Variants in NAA15 observed in about 807,000 individuals in gnomAD.
NAA15 encodes the protein N-alpha-acetyltransferase 15, NatA auxiliary subunit.
NAA15 carries 34 observed loss-of-function variants against 114.0 expected under a neutral mutation model. The ratio of observed to expected loss-of-function variants is 0.30; its 90% CI spans 0.23 to 0.40. The LOEUF is 0.40. Among genes scored for constraint, NAA15 ranks in the 10% least tolerant of loss-of-function variants. NAA15 has a pLI of 1.00. For synonymous variants in NAA15, 340 were observed against 338.0 expected, an observed-to-expected ratio of 1.01 and a Z score of -0.06; for missense variants, 658 against 1,004.5, an observed-to-expected ratio of 0.66 and a Z score of 4.66.
chr4:139,308,873 C>A (rs1368346732), intron 1 of NAA15, among the ~76,000 whole-genome samples: 1 of 151,878 alleles, frequency 6.6e-6, no homozygotes, highest in Non-Finnish European at 1.5e-5. Flanking sequence ...ACCTCAGCCT[C>A]TCCCAAGTGC....
intron 17 of NAA15, among the ~76,000 whole-genome samples, chr4:139,380,256 T>C (rs184944179): frequency 0.022 from 2,919 of 132,594 alleles, 97 homozygotes; most frequent in African/African-American, 0.08. Context: ...CTTTAGTTTT[T>C]TTGGGGGGGG....
chr4:139,341,175 A>C (rs1167502841), intron 4 of NAA15, 106 bp downstream of exon 4: 1 of 852,472 alleles, frequency 1.2e-6, no homozygotes, highest in Admixed American at 3.5e-5. Context: ...AAATAATTTA[A>C]TTGAATTTTT....
In NAA15 at chr4:139,301,581, T is replaced by G; in HGVS notation, c.-197T>G. On this transcript the variant is annotated 5_prime_UTR_variant, in exon 1 of 20. Transcript: ENST00000296543. ...CGTAGTGGGGGAGGCGGCGGCAGCG[T>G]TAAGTGAGAAAGGAAAAAAGACAAC... The G allele has an allele frequency of 3.3e-6, 2 of 608,628 alleles. No individual in the cohort carries two copies. The highest frequency in any genetic ancestry group is 3.1e-5 in the Admixed American group (1 of 32,482). The allele number at this position is 608,628 out of a possible 1,614,324, so 37.7% of individuals were successfully genotyped here.
intron 17 of NAA15, among the ~76,000 whole-genome samples, chr4:139,381,651 C>A (rs1370121439): frequency 2.0e-5 from 3 of 151,870 alleles, no homozygotes; most frequent in South Asian, 4.2e-4. Flanking sequence ...TGTACTATAA[C>A]CTAGTAGTGA....
At chr4:139,341,810 C>T (rs1356646723) in intron 4 of NAA15, among the ~76,000 whole-genome samples, 2 of 151,672 alleles carry the variant, frequency 1.3e-5, no homozygotes, top group African/African-American at 4.8e-5. Context: ...CAGCTTCCAC[C>T]TCCTGGGTTC....
At chr4:139,348,288 T>G (rs1271351831) in intron 6 of NAA15, among the ~76,000 whole-genome samples, 5 of 151,890 alleles carry the variant, frequency 3.3e-5, no homozygotes, top group Admixed American at 1.3e-4. Context: ...AACCCATCTC[T>G]ACAAAACATA....
In NAA15 at chr4:139,308,405, A is replaced by T. The variant is rs368921140; in HGVS notation, c.54+6574A>T. Among the ~76,000 whole-genome samples, 16 of 152,348 alleles carry T rather than the reference A, an allele frequency of 1.1e-4. No homozygotes were observed. The East Asian group carries it at 2.7e-3, about 26-fold the overall frequency. ...TTAGCAAGTAGGTGTCCATATGCAC[A>T]TGAAAGTTTAACTGATTAATTTCTT... is the stretch of plus-strand genomic sequence containing the variant. On this transcript the variant is annotated intron_variant, in intron 1 of 19. Coordinates refer to ENST00000296543, the MANE Select transcript of NAA15 (RefSeq NM_057175.5).
intron 1 of NAA15, among the ~76,000 whole-genome samples, chr4:139,314,323 T>C (rs1419258303): frequency 1.3e-5 from 2 of 151,832 alleles, no homozygotes; most frequent in Admixed American, 1.3e-4. Flanking sequence ...ATGAGACTTG[T>C]TTTGGCTAGG....
chr4:139,371,517 ACACACACACACACACACACACACACG>A (rs1257708262), intron 15 of NAA15, among the ~76,000 whole-genome samples: 2 of 149,284 alleles, frequency 1.3e-5, no homozygotes, highest in African/African-American at 5.1e-5. Flanking sequence ...ACACACACAC[ACACACACACACACACACACACACACG>A]AAATATAGAA....
chr4:139,382,247 C>T lies in NAA15; in HGVS notation c.2156-2585C>T, dbSNP rs78443764. 8.8e-3 allele frequency among the ~76,000 whole-genome samples: 1,342 copies of T among 152,100 alleles called. 19 individuals are homozygous for T. The highest frequency in any genetic ancestry group is 0.031 in the African/African-American group (1,291 of 41,500). ...GATATTTTCCTGGAGGTTAACAATT[C>T]TAGTTTTCTGGAACTGTAATTTCCA... On this transcript the variant is annotated intron_variant, in intron 17 of 19. Coordinates refer to ENST00000296543, the MANE Select transcript of NAA15 (RefSeq NM_057175.5).
Position 139,355,639 on chromosome 4 carries a change from A to G in NAA15, c.1087+1541A>G, listed in dbSNP as rs1747926034. Reference sequence around the variant, plus strand: ...ATTTTAAGTGCTGCTCAATAGCTATATATAGCTAATGCCTACCATGTTGGA... The same window carrying G: ...ATTTTAAGTGCTGCTCAATAGCTATGTATAGCTAATGCCTACCATGTTGGA... On this transcript the variant is annotated intron_variant, in intron 10 of 19. Transcript: ENST00000296543. Among the ~76,000 whole-genome samples the G allele has an allele frequency of 2.0e-5, 3 of 152,182 alleles. No individual in the cohort carries two copies. In the South Asian group the frequency reaches 6.2e-4, roughly 32 times the overall value.
rs972405854 is a variant in NAA15 at position 139,379,165 on chromosome 4, G to T, written c.2155+311G>T. 1.2e-4 allele frequency: 23 copies of T among 192,688 alleles called. 1 individual carries two copies. The highest frequency in any genetic ancestry group is 4.9e-4 in the African/African-American group (21 of 42,996). 11.9% of individuals were successfully genotyped at this position (192,688 alleles called of 1,614,324 possible). A position where few individuals can be genotyped will look rare whatever the true frequency, so the allele number is the denominator to read the frequency against. On this transcript the variant is annotated intron_variant, in intron 17 of 19. Coordinates refer to ENST00000296543, the MANE Select transcript of NAA15 (RefSeq NM_057175.5). ...GTTATGTAAAACTTCTTAGTAAATT[G>T]TTTTGAAATTGAAGAATCTCTTTGA...
At position 139,386,126 on chromosome 4, in the gene NAA15, C is replaced by T. The variant is rs948090730; in HGVS notation, c.2303-7C>T. 6 of 1,531,382 alleles carry T rather than the reference C, an allele frequency of 3.9e-6. No individual in the cohort carries two copies. In the Admixed American group the frequency reaches 7.6e-5, roughly 19 times the overall value. The allele number at this position is 1,531,382 out of a possible 1,614,324, so 94.9% of individuals were successfully genotyped here. On this transcript the variant is annotated splice_region_variant and splice_polypyrimidine_tract_variant and intron_variant, in intron 18 of 19. Transcript: ENST00000296543. ...TGAAATAAATTTCCTATTTCCCTCT[C>T]ATTTAGCTGCCAAAATGGTATATTA...
intron 1 of NAA15, among the ~76,000 whole-genome samples, chr4:139,317,482 A>T (rs904593619): frequency 1.3e-5 from 2 of 152,158 alleles, no homozygotes; most frequent in African/African-American, 2.4e-5. Flanking sequence ...TTAGCTGGGC[A>T]TGGTGGCACA....
intron 14 of NAA15, among the ~76,000 whole-genome samples, chr4:139,369,480 C>A (rs923137158): frequency 6.6e-6 from 1 of 152,088 alleles, no homozygotes; most frequent in African/African-American, 2.4e-5. Context: ...TGACTCACGC[C>A]TGTAATCCCA....
rs527885648 is a variant in NAA15 at position 139,380,261 on chromosome 4, G to T, written c.2155+1407G>T. Reference sequence around the variant, plus strand: ...GTTTGTTTCTCTTTAGTTTTTTTGGGGGGGGGGAGTATGAAAAATAACTTT... The same window carrying T: ...GTTTGTTTCTCTTTAGTTTTTTTGGTGGGGGGGAGTATGAAAAATAACTTT... On this transcript the variant is annotated intron_variant, in intron 17 of 19. Coordinates refer to ENST00000296543, the MANE Select transcript of NAA15 (RefSeq NM_057175.5). Among the ~76,000 whole-genome samples, 35 of 145,808 alleles carry T rather than the reference G, an allele frequency of 2.4e-4. No homozygotes were observed. In the South Asian group the frequency reaches 4.9e-3, roughly 20 times the overall value.
chr4:139,325,713 A>G (rs1314463142), intron 1 of NAA15, among the ~76,000 whole-genome samples: 3 of 152,308 alleles, frequency 2.0e-5, no homozygotes, highest in Non-Finnish European at 1.5e-5. Context: ...CAGTGTTACC[A>G]TCACGGCTCA....
intron 1 of NAA15, among the ~76,000 whole-genome samples, chr4:139,315,144 G>A (rs1182398973): frequency 2.0e-5 from 3 of 151,538 alleles, no homozygotes; most frequent in Admixed American, 6.6e-5. Flanking sequence ...CTCACTGCAA[G>A]CTCTGCCTCG....
chr4:139,331,953 A>C (rs1747022128), intron 1 of NAA15, among the ~76,000 whole-genome samples: 1 of 151,984 alleles, frequency 6.6e-6, no homozygotes, highest in Non-Finnish European at 1.5e-5. Context: ...TTTCCTGCAA[A>C]TGTGCCTGTA....
Sources: gnomAD v4.1 joint callset for allele counts (sites outside exome capture counted in the v4.1 genomes callset) on GRCh38, gnomAD v4.1.1 for gene constraint, MANE v1.5 for transcripts, NCBI Gene and HGNC (gene_info 2026-07-23, HGNC 2026-07-21) for gene names.